Variants in PTK2 observed in about 807,000 individuals in gnomAD.
The protein encoded by PTK2 is protein tyrosine kinase 2.
A neutral mutation model predicts 150.1 loss-of-function variants in PTK2; 45 were observed. The ratio of observed to expected loss-of-function variants is 0.30; its 90% CI spans 0.24 to 0.38. PTK2 has a LOEUF of 0.38. PTK2 is among the 10% of genes least tolerant of loss of function. PTK2 has a pLI of 1.00. For missense variants in PTK2, 919 were observed against 1,307.3 expected (o/e 0.70, Z 4.58); for synonymous variants, 432 against 449.2 (o/e 0.96, Z 0.48).
At chr8:140,702,004 T>C (rs1415162237) in intron 25 of PTK2, among the ~76,000 whole-genome samples, 4 of 151,496 alleles carry the variant, frequency 2.6e-5, no homozygotes, top group Non-Finnish European at 5.9e-5. Context: ...GGCTCGCACT[T>C]GTAATCCAAG....
intron 30 of PTK2, among the ~76,000 whole-genome samples, chr8:140,666,448 A>C (rs2091811868): frequency 6.6e-6 from 1 of 152,210 alleles, no homozygotes; most frequent in Admixed American, 6.6e-5. Context: ...AAGAAAAAAA[A>C]AACTTGACAT....
intron 13 of PTK2, 117 bp downstream of exon 13, chr8:140,793,237 G>C (rs1730788641): frequency 1.8e-6 from 2 of 1,099,256 alleles, no homozygotes; most frequent in African/African-American, 3.3e-5. Flanking sequence ...TTGTTTCCTA[G>C]TTCCTTGATC....
At chr8:140,909,258 AT>A (rs2100162136) in intron 2 of PTK2, 1 of 154,266 alleles carries the variant, frequency 6.5e-6, no homozygotes, top group African/African-American at 2.4e-5. Context: ...TTACAACAGC[AT>A]TTCAACTCTT....
rs769840037 is a variant in PTK2 at position 140,846,585 on chromosome 8, AGTTATC to A, written c.530+8_530+13del. On this transcript the variant is annotated splice_region_variant and intron_variant, in intron 6 of 31. Transcript: ENST00000522684. ...TTGATAAATAAAGGCCGCAATGTATAGTTATCATCTTACCGTATTTCTAGACAACCC... is the reference window on the plus strand; with the variant it reads ...TTGATAAATAAAGGCCGCAATGTATAATCTTACCGTATTTCTAGACAACCC... 1 of 1,568,748 alleles carries A rather than the reference AGTTATC, an allele frequency of 6.4e-7. No homozygotes were observed. The highest frequency in any genetic ancestry group is 1.1e-5 in the South Asian group (1 of 88,296).
At chr8:140,702,545 C>T (rs769276403) in intron 25 of PTK2, 25 bp downstream of exon 28, 1 of 1,610,742 alleles carries the variant, frequency 6.2e-7, no homozygotes, top group South Asian at 1.1e-5. Flanking sequence ...AGTTAACAAA[C>T]TGAAGCCCAA....
chr8:140,781,408 T>C (rs2100081608), intron 14 of PTK2, among the ~76,000 whole-genome samples: 1 of 152,210 alleles, frequency 6.6e-6, no homozygotes, highest in Admixed American at 6.5e-5. Flanking sequence ...GAAGCATTTA[T>C]TTTATAAAGA....
At chr8:140,914,309 T>G (rs567524463) in intron 2 of PTK2, among the ~76,000 whole-genome samples, 1 of 152,190 alleles carries the variant, frequency 6.6e-6, no homozygotes, top group South Asian at 2.1e-4. Context: ...ACCATTGAAT[T>G]TACAATAAAT....
At chr8:140,901,594 T>G (rs973778549) in intron 2 of PTK2, among the ~76,000 whole-genome samples, 1 of 150,364 alleles carries the variant, frequency 6.7e-6, no homozygotes, top group African/African-American at 2.4e-5. Context: ...GGAGGTACAA[T>G]GAGCTAAAAT....
At chr8:140,696,266 T>C (rs780407046) in intron 26 of PTK2, among the ~76,000 whole-genome samples, 1 of 151,994 alleles carries the variant, frequency 6.6e-6, no homozygotes, top group Non-Finnish European at 1.5e-5. Flanking sequence ...TGAGAAACAT[T>C]AGAAGAAAAA....
intron 14 of PTK2, among the ~76,000 whole-genome samples, chr8:140,782,478 T>C (rs2100082376): frequency 6.6e-6 from 1 of 152,286 alleles, no homozygotes; most frequent in African/African-American, 2.4e-5. Flanking sequence ...GCTCAAGTAA[T>C]CTGCCTGCCT....
At chr8:140,860,768 CCAGA>C (rs2154605578) in intron 5 of PTK2, among the ~76,000 whole-genome samples, 1 of 152,276 alleles carries the variant, frequency 6.6e-6, no homozygotes, top group East Asian at 1.9e-4. Context: ...GCCACCGCAC[CCAGA>C]CAATCATAGT....
At chr8:141,001,636 C>T (rs1372981105), upstream of PTK2, among the ~76,000 whole-genome samples, 2 of 152,078 alleles carry the variant, frequency 1.3e-5, no homozygotes, top group South Asian at 2.1e-4. Context: ...CGGGAAAGTC[C>T]TCCCCATCTC....
At chr8:140,659,645 G>A (rs2076591668) in exon 32 of PTK2, 1 of 1,614,044 alleles carries the variant, frequency 6.2e-7, no homozygotes, top group Non-Finnish European at 8.5e-7. Context: ...AGCTCACCCA[G>A]GTCAGAGTTC....
At chr8:140,703,726 A>T (rs781409870) in intron 24 of PTK2, among the ~76,000 whole-genome samples, 30 of 152,254 alleles carry the variant, frequency 2.0e-4, no homozygotes, top group Non-Finnish European at 1.0e-4. Flanking sequence ...GAGAGAAGAC[A>T]TTCAGTTGGA....
intron 1 of PTK2, among the ~76,000 whole-genome samples, chr8:140,990,375 T>C (rs1167085326): frequency 6.6e-6 from 1 of 151,972 alleles, no homozygotes; most frequent in Admixed American, 6.6e-5. Flanking sequence ...GCTGGGACTA[T>C]AGGCATGTAC....
intron 1 of PTK2, among the ~76,000 whole-genome samples, chr8:140,980,814 A>G (rs1215952413): frequency 1.4e-5 from 2 of 144,274 alleles, no homozygotes; most frequent in Non-Finnish European, 3.0e-5. Flanking sequence ...GCAGTGGCGC[A>G]ATCTTGGCTC....
intron 17 of PTK2, among the ~76,000 whole-genome samples, chr8:140,748,038 G>C (rs899225609): frequency 3.3e-5 from 5 of 152,174 alleles, no homozygotes; most frequent in African/African-American, 1.2e-4. Context: ...AAGCTGCCCT[G>C]AGTGTGGAGA....
At chr8:140,878,635 C>T (rs2100147096) in intron 4 of PTK2, among the ~76,000 whole-genome samples, 1 of 151,890 alleles carries the variant, frequency 6.6e-6, no homozygotes. Flanking sequence ...ACATGTTTGT[C>T]TTTTAAAATG....
chr8:140,662,658 C>A (rs2082259461), intron 31 of PTK2: 1 of 548,212 alleles, frequency 1.8e-6, no homozygotes. Context: ...AAAGGAATCA[C>A]CAACAGGAGT....
Sources: allele counts gnomAD v4.1 joint callset (sites outside exome capture counted in the v4.1 genomes callset), GRCh38; gene constraint gnomAD v4.1.1; transcripts MANE v1.5; gene names NCBI Gene and HGNC (gene_info 2026-07-23, HGNC 2026-07-21).